Variants in HECW2 observed in about 807,000 individuals in gnomAD.
The protein encoded by HECW2 is E3 ubiquitin-protein ligase HECW2.
HECW2 carries 61 observed loss-of-function variants against 175.2 expected under a neutral mutation model. That is an observed-to-expected ratio of 0.35 (90% CI 0.28 to 0.43). The LOEUF is 0.43. HECW2 is among the 20% of genes least tolerant of loss of function. The pLI is 1.00. For missense variants in HECW2, 1,524 were observed against 2,000.5 expected, an observed-to-expected ratio of 0.76 and a Z score of 4.54; for synonymous variants, 671 against 731.0, an observed-to-expected ratio of 0.92 and a Z score of 1.32.
chr2:196,277,633 C>T (rs1690008088), intron 15 of HECW2, among the ~76,000 whole-genome samples: 1 of 152,040 alleles, frequency 6.6e-6, no homozygotes, highest in Admixed American at 6.6e-5. Flanking sequence ...TGGGTATATA[C>T]CCAAAGGACT....
chr2:196,210,761 A>ACAC lies in HECW2; in HGVS notation c.4607+5101_4607+5103dup, dbSNP rs1489371510. On this transcript the variant is annotated intron_variant, in intron 28 of 28. Coordinates refer to ENST00000644978, the MANE Select transcript of HECW2 (RefSeq NM_001348768.2). ...CCCGAGTAGCTGGGATTACAGGTGC[A>ACAC]CACCACCATGCCTGGCTAATTTTTG... Among the ~76,000 whole-genome samples the ACAC allele has an allele frequency of 2.7e-5, 4 of 148,942 alleles. No homozygotes were observed. The East Asian group carries it at 7.9e-4, about 29-fold the overall frequency.
At chr2:196,580,585 C>T (rs570607749) in intron 1 of HECW2, among the ~76,000 whole-genome samples, 6 of 149,280 alleles carry the variant, frequency 4.0e-5, no homozygotes, top group African/African-American at 1.5e-4. Flanking sequence ...AAATGTTCAA[C>T]ATCATTAGTC....
chr2:196,389,690 T>G (rs115842658), intron 2 of HECW2, among the ~76,000 whole-genome samples: 1 of 152,328 alleles, frequency 6.6e-6, no homozygotes, highest in African/African-American at 2.4e-5. Context: ...AAGGTAACTT[T>G]GAAAGGGGCC....
At chr2:196,354,283 G>A (rs1041654191) in intron 2 of HECW2, among the ~76,000 whole-genome samples, 1 of 152,146 alleles carries the variant, frequency 6.6e-6, no homozygotes, top group African/African-American at 2.4e-5. Context: ...CCCTGCCTGG[G>A]CACCACCGCA....
At chr2:196,407,437 C>T (rs891682893) in intron 2 of HECW2, among the ~76,000 whole-genome samples, 1 of 152,008 alleles carries the variant, frequency 6.6e-6, no homozygotes, top group African/African-American at 2.4e-5. Context: ...CCTGAACTTA[C>T]ACGATCTGCC....
intron 10 of HECW2, chr2:196,316,282 C>T (rs1315425576): frequency 6.6e-6 from 1 of 152,242 alleles, no homozygotes; most frequent in Non-Finnish European, 1.5e-5. Flanking sequence ...ATAAACTCTT[C>T]ATAGTACCAT....
intron 23 of HECW2, among the ~76,000 whole-genome samples, chr2:196,224,762 T>C (rs1432920437): frequency 2.0e-5 from 3 of 152,140 alleles, no homozygotes; most frequent in Non-Finnish European, 4.4e-5. Flanking sequence ...ACAGTCAGTA[T>C]AGACTAGTTT....
intron 1 of HECW2, among the ~76,000 whole-genome samples, chr2:196,482,849 G>A (rs1216005410): frequency 2.6e-5 from 4 of 152,234 alleles, no homozygotes; most frequent in Admixed American, 1.3e-4. Flanking sequence ...TGAGTGGGAT[G>A]CCCTATGTGA....
intron 2 of HECW2, among the ~76,000 whole-genome samples, chr2:196,397,468 T>C (rs1694703014): frequency 6.6e-6 from 1 of 152,220 alleles, no homozygotes; most frequent in African/African-American, 2.4e-5. Context: ...CTTTGTGAAA[T>C]CTTAAATTCT....
chr2:196,352,340 T>G (rs1693199607), intron 2 of HECW2, among the ~76,000 whole-genome samples: 1 of 152,014 alleles, frequency 6.6e-6, no homozygotes, highest in African/African-American at 2.4e-5. Context: ...ACCAGCACAT[T>G]ACTGGGTAGA....
chr2:196,413,468 C>T (rs1330740510), intron 2 of HECW2, among the ~76,000 whole-genome samples: 3 of 152,128 alleles, frequency 2.0e-5, no homozygotes, highest in East Asian at 3.9e-4. Flanking sequence ...GCCTCAGCCT[C>T]CCAAGTAGCT....
intron 1 of HECW2, among the ~76,000 whole-genome samples, chr2:196,554,797 G>A (rs1021042835): frequency 6.6e-6 from 1 of 152,196 alleles, no homozygotes; most frequent in Admixed American, 6.5e-5. Flanking sequence ...CTAGAAGAAC[G>A]AAGAGCAGTA....
intron 1 of HECW2, among the ~76,000 whole-genome samples, chr2:196,515,180 C>A (rs545838757): frequency 6.6e-6 from 1 of 152,222 alleles, no homozygotes; most frequent in South Asian, 2.1e-4. Flanking sequence ...CCTGTGCTGG[C>A]GCCTGGAGCT....
chr2:196,443,751 C>T (rs1696104321), intron 1 of HECW2, among the ~76,000 whole-genome samples: 2 of 152,330 alleles, frequency 1.3e-5, no homozygotes, highest in Middle Eastern at 3.4e-3. Flanking sequence ...AAATACTAAC[C>T]AGGCACTGTG....
intron 28 of HECW2, among the ~76,000 whole-genome samples, chr2:196,211,982 G>T (rs890886037): frequency 1.3e-5 from 2 of 152,122 alleles, no homozygotes; most frequent in Non-Finnish European, 2.9e-5. Flanking sequence ...GACTATAGGC[G>T]TATGCCACCA....
At chr2:196,240,821 T>G (rs984009290) in intron 20 of HECW2, among the ~76,000 whole-genome samples, 1 of 129,264 alleles carries the variant, frequency 7.7e-6, no homozygotes, top group Non-Finnish European at 1.7e-5. Flanking sequence ...ATCTAAATGG[T>G]CAAATCAGTT....
At chr2:196,452,195 T>A (rs1372263488) in intron 1 of HECW2, among the ~76,000 whole-genome samples, 1 of 152,150 alleles carries the variant, frequency 6.6e-6, no homozygotes, top group Admixed American at 6.5e-5. Context: ...GCTGCAAGTA[T>A]AAAATGCACA....
chr2:196,593,255 C>G (rs1383966278), intron 1 of HECW2, among the ~76,000 whole-genome samples: 5 of 151,462 alleles, frequency 3.3e-5, no homozygotes, highest in Non-Finnish European at 7.4e-5. Flanking sequence ...ACGCGCGAAG[C>G]CATGGCTCCC....
intron 13 of HECW2, among the ~76,000 whole-genome samples, chr2:196,295,855 C>T (rs901772471): frequency 3.3e-5 from 5 of 152,188 alleles, no homozygotes; most frequent in Admixed American, 2.0e-4. Context: ...CATCTTCCTC[C>T]TCTCCACTCA....
Sources: gnomAD v4.1 joint callset for allele counts (sites outside exome capture counted in the v4.1 genomes callset) on GRCh38, gnomAD v4.1.1 for gene constraint, MANE v1.5 for transcripts, NCBI Gene and HGNC (gene_info 2026-07-23, HGNC 2026-07-21) for gene names.